The following PDE4D variants were observed in gnomAD, a reference collection of about 807,000 sequenced individuals.
PDE4D encodes phosphodiesterase 4D, also known as 3',5'-cyclic-AMP phosphodiesterase 4D.
Under a neutral mutation model 87.4 loss-of-function variants are expected in PDE4D, and 24 were observed. That is an observed-to-expected ratio of 0.27 (90% CI 0.20 to 0.39). The LOEUF is 0.39. Ranked by LOEUF, PDE4D falls within the 10% of genes least tolerant of loss-of-function variation. PDE4D has a pLI of 1.00. For missense variants in PDE4D, 714 were observed against 1,041.0 expected (o/e 0.69, Z 4.32); for synonymous variants, 384 against 383.2 (o/e 1.00, Z -0.02).
intron 1 of PDE4D, among the ~76,000 whole-genome samples, chr5:59,794,889 G>A (rs1766281700): frequency 1.3e-5 from 2 of 152,094 alleles, no homozygotes; most frequent in South Asian, 4.1e-4. Context: ...GGGCAGCATG[G>A]CTCTTCTCCA....
At chr5:59,546,655 C>T (rs1583064495) in intron 1 of PDE4D, among the ~76,000 whole-genome samples, 1 of 152,002 alleles carries the variant, frequency 6.6e-6, no homozygotes, top group African/African-American at 2.4e-5. Flanking sequence ...CATCTTTTAC[C>T]TAGAAAGCAA....
intron 1 of PDE4D, among the ~76,000 whole-genome samples, chr5:59,740,562 A>C (rs977169411): frequency 7.2e-5 from 11 of 152,206 alleles, no homozygotes; most frequent in Admixed American, 5.2e-4. Flanking sequence ...TTTTGAATTA[A>C]AGATTTTATA....
Position 59,055,949 on chromosome 5 carries a change from G to A in PDE4D, c.809-16978C>T, listed in dbSNP as rs1185717694. On this transcript the variant is annotated intron_variant, in intron 5 of 14. Coordinates refer to ENST00000340635, the MANE Select transcript of PDE4D (RefSeq NM_001104631.2). ...TTCAGAAGAATTCTGGCCTCAAGGC[G>A]TCTACCATCTAGAAGCAAACAACTA... 3.9e-5 allele frequency among the ~76,000 whole-genome samples: 6 copies of A among 152,154 alleles called. No homozygotes were observed. In the East Asian group the frequency reaches 5.8e-4, roughly 15 times the overall value.
chr5:58,983,171 C>A (rs764713663), intron 11 of PDE4D, among the ~76,000 whole-genome samples: 1 of 152,356 alleles, frequency 6.6e-6, no homozygotes. Flanking sequence ...CAGAGAGGGG[C>A]AGTAGTGCTG....
intron 1 of PDE4D, among the ~76,000 whole-genome samples, chr5:60,212,918 T>C (rs1317547069): frequency 6.6e-6 from 1 of 152,230 alleles, no homozygotes; most frequent in East Asian, 1.9e-4. Context: ...TCTTCTTTGG[T>C]TGCCATAATG....
intron 1 of PDE4D, among the ~76,000 whole-genome samples, chr5:60,297,227 T>TC (rs752365888): frequency 4.6e-5 from 7 of 152,208 alleles, no homozygotes; most frequent in Non-Finnish European, 1.0e-4. Context: ...TCATCAAGTA[T>TC]TTTCAAAATT....
At chr5:59,051,815 A>G (rs932464582) in intron 5 of PDE4D, among the ~76,000 whole-genome samples, 3 of 152,214 alleles carry the variant, frequency 2.0e-5, no homozygotes, top group African/African-American at 7.2e-5. Flanking sequence ...CCAAAACATT[A>G]ACAAATACAT....
chr5:59,426,119 G>A (rs975902143), intron 1 of PDE4D, among the ~76,000 whole-genome samples: 3 of 152,170 alleles, frequency 2.0e-5, no homozygotes, highest in African/African-American at 4.8e-5. Flanking sequence ...ATAACACAGT[G>A]AGAAGGTGGC....
chr5:60,491,775 G>A (rs1227750934), upstream of PDE4D, among the ~76,000 whole-genome samples: 1 of 152,168 alleles, frequency 6.6e-6, no homozygotes, highest in Non-Finnish European at 1.5e-5. Flanking sequence ...TAGAAACTCT[G>A]GAGTCAGGCC....
At position 59,081,935 on chromosome 5, in the gene PDE4D, A is replaced by C. The variant is rs138971685; in HGVS notation, c.809-42964T>G. On this transcript the variant is annotated intron_variant, in intron 5 of 14. Coordinates refer to ENST00000340635, the MANE Select transcript of PDE4D (RefSeq NM_001104631.2). Reference sequence around the variant, plus strand: ...CAGTTTCCCCCATGCTGTTCTCATGATAATGAATGAGTTTCACAAGATCTG... The same window carrying C: ...CAGTTTCCCCCATGCTGTTCTCATGCTAATGAATGAGTTTCACAAGATCTG... Among the ~76,000 whole-genome samples the C allele has an allele frequency of 1.5e-3, 223 of 152,294 alleles. 3 individuals are homozygous for C. Among genetic ancestry groups the C allele is most frequent in the African/African-American group, 5.1e-3 (211 of 41,578 alleles).
chr5:59,153,236 G>A (rs1486119785), intron 5 of PDE4D, among the ~76,000 whole-genome samples: 1 of 151,912 alleles, frequency 6.6e-6, no homozygotes. Flanking sequence ...AGTAGCAGCG[G>A]GTGAAAGGCC....
At chr5:59,019,414 G>T (rs1754655010) in intron 6 of PDE4D, among the ~76,000 whole-genome samples, 1 of 152,020 alleles carries the variant, frequency 6.6e-6, no homozygotes, top group Admixed American at 6.6e-5. Flanking sequence ...AAATGTAAGG[G>T]TTCTTCATGA....
intron 1 of PDE4D, among the ~76,000 whole-genome samples, chr5:59,846,507 G>A (rs1743877313): frequency 1.3e-5 from 2 of 151,990 alleles, no homozygotes; most frequent in Non-Finnish European, 2.9e-5. Context: ...TTTTAAATAA[G>A]CCCCCAAGAT....
intron 5 of PDE4D, among the ~76,000 whole-genome samples, chr5:59,144,084 G>A (rs566176547): frequency 4.1e-4 from 63 of 152,236 alleles, no homozygotes; most frequent in African/African-American, 1.4e-3. Context: ...AACCATCGGG[G>A]GTTTCTCTAT....
chr5:60,162,141 A>G (rs1319567400), intron 2 of PDE4D, among the ~76,000 whole-genome samples: 1 of 152,144 alleles, frequency 6.6e-6, no homozygotes, highest in African/African-American at 2.4e-5. Flanking sequence ...TTGAATTAGA[A>G]AACACAAATT....
At chr5:60,376,775 G>T (rs961310942) in intron 1 of PDE4D, among the ~76,000 whole-genome samples, 1 of 152,052 alleles carries the variant, frequency 6.6e-6, no homozygotes, top group African/African-American at 2.4e-5. Flanking sequence ...CTTGTCCCAG[G>T]CCTTAGCAAG....
At chr5:60,045,474 C>T (rs1004356930) in intron 2 of PDE4D, among the ~76,000 whole-genome samples, 8 of 152,022 alleles carry the variant, frequency 5.3e-5, no homozygotes, top group Non-Finnish European at 8.8e-5. Context: ...TAGGTTTTCT[C>T]CTAGGGTTTT....
intron 1 of PDE4D, among the ~76,000 whole-genome samples, chr5:59,271,079 A>G (rs1763740498): frequency 6.6e-6 from 1 of 151,182 alleles, no homozygotes; most frequent in South Asian, 2.1e-4. Context: ...TTGCTCTGTC[A>G]CCCAGGCTGG....
intron 1 of PDE4D, among the ~76,000 whole-genome samples, chr5:60,285,999 A>C (rs899574829): frequency 6.6e-6 from 1 of 152,206 alleles, no homozygotes; most frequent in Non-Finnish European, 1.5e-5. Flanking sequence ...CTCTGAGCAA[A>C]TACAGAGCTT....
Sources: allele counts gnomAD v4.1 joint callset (sites outside exome capture counted in the v4.1 genomes callset), GRCh38; gene constraint gnomAD v4.1.1; transcripts MANE v1.5; gene names NCBI Gene and HGNC (gene_info 2026-07-23, HGNC 2026-07-21).